DGKB: variants seen among roughly 807,000 people sequenced by gnomAD.
DGKB encodes 90 kDa diacylglycerol kinase.
Under a neutral mutation model 114.3 loss-of-function variants are expected in DGKB, and 67 were observed. The observed-to-expected ratio is 0.59, with a 90% CI of 0.48 to 0.72. The LOEUF is 0.72. DGKB is among the 30% of genes least tolerant of loss of function. The pLI is 0.00. For missense variants in DGKB, 907 were observed against 975.2 expected (o/e 0.93, Z 0.93); for synonymous variants, 398 against 323.1 (o/e 1.23, Z -2.49).
chr7:14,731,445 A>G (rs1296638642), intron 5 of DGKB, among the ~76,000 whole-genome samples: 1 of 152,228 alleles, frequency 6.6e-6, no homozygotes, highest in African/African-American at 2.4e-5. Context: ...AACTTTAAAA[A>G]GTTTAAAAAA....
At chr7:14,362,733 A>C (rs1815977310) in intron 21 of DGKB, among the ~76,000 whole-genome samples, 1 of 152,084 alleles carries the variant, frequency 6.6e-6, no homozygotes, top group East Asian at 1.9e-4. Context: ...AATTACATTG[A>C]TATTATTATA....
chr7:14,934,878 GT>G (rs1436814037), intron 1 of DGKB, among the ~76,000 whole-genome samples: 1 of 152,104 alleles, frequency 6.6e-6, no homozygotes, highest in Non-Finnish European at 1.5e-5. Flanking sequence ...ATTTTTATCA[GT>G]GACTGAAACT....
At chr7:14,544,594 C>G (rs1296050611) in intron 20 of DGKB, among the ~76,000 whole-genome samples, 1 of 152,064 alleles carries the variant, frequency 6.6e-6, no homozygotes, top group Admixed American at 6.6e-5. Flanking sequence ...ATTGCTGATA[C>G]ACAAGTCAAA....
chr7:14,692,282 A>G (rs1053888517), intron 9 of DGKB, among the ~76,000 whole-genome samples: 1 of 152,112 alleles, frequency 6.6e-6, no homozygotes, highest in East Asian at 1.9e-4. Context: ...CAGATGATTT[A>G]CTTGCTCATT....
chr7:14,950,092 A>C (rs1301210331), intron 1 of DGKB, among the ~76,000 whole-genome samples: 1 of 147,410 alleles, frequency 6.8e-6, no homozygotes, highest in African/African-American at 2.6e-5. Flanking sequence ...CCTAGAACTT[A>C]AAAGTATAAT....
At chr7:14,613,677 G>T (rs1378207077) in intron 15 of DGKB, among the ~76,000 whole-genome samples, 1 of 151,524 alleles carries the variant, frequency 6.6e-6, no homozygotes, top group Non-Finnish European at 1.5e-5. Flanking sequence ...TCAGGAAGAG[G>T]GAATAACATT....
chr7:14,337,777 T>A (rs1810944512), intron 23 of DGKB, among the ~76,000 whole-genome samples: 1 of 152,134 alleles, frequency 6.6e-6, no homozygotes, highest in Non-Finnish European at 1.5e-5. Context: ...AAGGTAAAAA[T>A]GATATTATAG....
upstream of DGKB, among the ~76,000 whole-genome samples, chr7:14,906,015 C>G (rs1014867867): frequency 5.3e-5 from 8 of 152,114 alleles, no homozygotes; most frequent in Non-Finnish European, 1.5e-5. Flanking sequence ...CACAGAACTG[C>G]ACAATAATGC....
chr7:14,220,157 G>A (rs1207014271), intron 23 of DGKB, among the ~76,000 whole-genome samples: 1 of 151,576 alleles, frequency 6.6e-6, no homozygotes, highest in East Asian at 1.9e-4. Flanking sequence ...ACAACTAACT[G>A]TAACACAATT....
intron 12 of DGKB, among the ~76,000 whole-genome samples, chr7:14,682,092 T>C (rs918394297): frequency 3.9e-5 from 6 of 152,224 alleles, no homozygotes; most frequent in Middle Eastern, 3.4e-3. Flanking sequence ...ACTTAAATCA[T>C]TGAAGCTCAT....
intron 1 of DGKB, among the ~76,000 whole-genome samples, chr7:14,928,042 T>C (rs1784832110): frequency 6.6e-6 from 1 of 151,966 alleles, no homozygotes; most frequent in African/African-American, 2.4e-5. Flanking sequence ...GTGTAACTAA[T>C]GAAATAGTCT....
At chr7:14,821,607 G>A (rs1201452787) in intron 2 of DGKB, among the ~76,000 whole-genome samples, 1 of 152,174 alleles carries the variant, frequency 6.6e-6, no homozygotes, top group Non-Finnish European at 1.5e-5. Context: ...GAAGGCAAAA[G>A]AAAGTGGTTT....
chr7:14,246,413 AAAG>A (rs1353039571), intron 23 of DGKB, among the ~76,000 whole-genome samples: 1 of 152,204 alleles, frequency 6.6e-6, no homozygotes, highest in Non-Finnish European at 1.5e-5. Flanking sequence ...CCCAAATTCA[AAAG>A]AAGATAATCT....
At chr7:14,173,020 T>A (rs952146376) in intron 25 of DGKB, among the ~76,000 whole-genome samples, 2 of 152,192 alleles carry the variant, frequency 1.3e-5, no homozygotes, top group African/African-American at 4.8e-5. Flanking sequence ...TTTCAATATA[T>A]ACTCTCTTCT....
intron 1 of DGKB, among the ~76,000 whole-genome samples, chr7:14,931,326 G>C (rs1334831816): frequency 6.6e-6 from 1 of 152,066 alleles, no homozygotes. Context: ...TGGCCAGGCT[G>C]GTCTCAAACT....
intron 2 of DGKB, among the ~76,000 whole-genome samples, chr7:14,816,935 C>A (rs1003301446): frequency 6.6e-6 from 1 of 152,178 alleles, no homozygotes; most frequent in Admixed American, 6.6e-5. Context: ...TAAAAACTTG[C>A]AGATTATTAA....
At chr7:14,776,272 A>G (rs1838165670) in intron 2 of DGKB, among the ~76,000 whole-genome samples, 1 of 152,260 alleles carries the variant, frequency 6.6e-6, no homozygotes, top group Middle Eastern at 3.2e-3. Flanking sequence ...TGCGATAAAA[A>G]AATAAAAATC....
intron 2 of DGKB, among the ~76,000 whole-genome samples, chr7:14,839,124 G>C (rs1374642813): frequency 6.6e-6 from 1 of 151,914 alleles, no homozygotes; most frequent in Admixed American, 6.6e-5. Flanking sequence ...TTATCTATTA[G>C]TTTCTAGCCT....
At chr7:14,657,149 A>AATACATGT (rs1816009865) in intron 13 of DGKB, among the ~76,000 whole-genome samples, 1 of 151,900 alleles carries the variant, frequency 6.6e-6, no homozygotes, top group Admixed American at 6.6e-5. Context: ...GACTCTTTAA[A>AATACATGT]ATACATGTAC....
Sources: gnomAD v4.1 joint callset for allele counts (sites outside exome capture counted in the v4.1 genomes callset) on GRCh38, gnomAD v4.1.1 for gene constraint, MANE v1.5 for transcripts, NCBI Gene and HGNC (gene_info 2026-07-23, HGNC 2026-07-21) for gene names.